MAGI2: variants seen among roughly 807,000 people sequenced by gnomAD.
MAGI2 encodes the protein membrane associated guanylate kinase, WW and PDZ domain containing 2.
Under a neutral mutation model 133.3 loss-of-function variants are expected in MAGI2, and 35 were observed. That is an observed-to-expected ratio of 0.26 (90% CI 0.20 to 0.35). The LOEUF (loss-of-function observed/expected upper bound fraction) is 0.35. MAGI2 is among the 10% of genes least tolerant of loss of function. The pLI, the probability that MAGI2 is intolerant of heterozygous loss-of-function variation, is 1.00. For synonymous variants in MAGI2, 729 were observed against 710.6 expected (o/e 1.03, Z -0.41); for missense variants, 1,636 against 1,863.4 (o/e 0.88, Z 2.25).
chr7:79,253,519 T>C (rs1227371573), intron 1 of MAGI2, among the ~76,000 whole-genome samples: 1 of 152,054 alleles, frequency 6.6e-6, no homozygotes. Context: ...AGCACACACC[T>C]GTGGTCCCAG....
At chr7:78,388,280 T>C (rs1346113288) in intron 6 of MAGI2, among the ~76,000 whole-genome samples, 1 of 139,576 alleles carries the variant, frequency 7.2e-6, no homozygotes, top group Non-Finnish European at 1.5e-5. Context: ...ACTGTTATCA[T>C]CATCATCATC....
chr7:79,188,403 T>C (rs181599871), intron 1 of MAGI2, among the ~76,000 whole-genome samples: 1 of 151,962 alleles, frequency 6.6e-6, no homozygotes, highest in Admixed American at 6.6e-5. Context: ...TGAGTTAGTT[T>C]GCTGAGGATA....
At chr7:79,431,261 T>C (rs981067300) in intron 1 of MAGI2, among the ~76,000 whole-genome samples, 2 of 152,208 alleles carry the variant, frequency 1.3e-5, no homozygotes, top group Non-Finnish European at 2.9e-5. Flanking sequence ...ATTTATAATC[T>C]ACCTGGATGC....
chr7:78,693,744 T>C (rs985160393), intron 2 of MAGI2, among the ~76,000 whole-genome samples: 1 of 152,172 alleles, frequency 6.6e-6, no homozygotes, highest in Non-Finnish European at 1.5e-5. Flanking sequence ...TCACCCATCC[T>C]TAAGGTGATT....
At chr7:78,603,167 T>G (rs22536) in intron 3 of MAGI2, among the ~76,000 whole-genome samples, 116,449 of 152,100 alleles carry the variant, frequency 0.77, 45,004 homozygotes, top group African/African-American at 0.82. Context: ...ACTGATAATG[T>G]AAAGTACTAA....
chr7:79,151,134 G>A (rs1312058045), intron 1 of MAGI2, among the ~76,000 whole-genome samples: 1 of 151,998 alleles, frequency 6.6e-6, no homozygotes, highest in Non-Finnish European at 1.5e-5. Context: ...AGACGAAGAT[G>A]GCTATGTACT....
At chr7:78,489,993 A>T (rs545798177) in intron 5 of MAGI2, 153 bp from the exon 6 acceptor site, 31 of 559,070 alleles carry the variant, frequency 5.5e-5, no homozygotes, top group Non-Finnish European at 9.2e-5. Context: ...GAGGTGTAAG[A>T]GTAATTGTGC....
chr7:78,378,628 T>C (rs1025729628), intron 6 of MAGI2, among the ~76,000 whole-genome samples: 4 of 152,028 alleles, frequency 2.6e-5, no homozygotes, highest in Admixed American at 6.6e-5. Flanking sequence ...TCCAGCCAAA[T>C]TGTACTTCAA....
chr7:78,181,537 A>T lies in MAGI2; in HGVS notation c.2312-3435T>A, dbSNP rs183931601. Among the ~76,000 whole-genome samples the T allele has an allele frequency of 4.2e-4, 64 of 152,340 alleles. 2 individuals carry two copies. In the East Asian group the frequency reaches 0.012, roughly 28 times the overall value. On this transcript the variant is annotated intron_variant, in intron 13 of 21. Transcript: ENST00000354212. ...GTAAAGAAATGGACTAAGAGGACAC[A>T]AAGCATTCTTTGGATATTAGTGTTC...
intron 21 of MAGI2, among the ~76,000 whole-genome samples, chr7:78,059,777 A>ATATATATATTT (rs368179491): frequency 1.4e-5 from 2 of 146,086 alleles, no homozygotes; most frequent in African/African-American, 5.1e-5. Context: ...ATATATATAT[A>ATATATATATTT]TTTTTTTTCT....
At chr7:79,099,523 T>C (rs1817787170) in intron 1 of MAGI2, among the ~76,000 whole-genome samples, 2 of 152,178 alleles carry the variant, frequency 1.3e-5, no homozygotes, top group African/African-American at 4.8e-5. Context: ...AGGTCTGTTA[T>C]ATAGGTAAAT....
At chr7:78,613,615 C>G (rs939077640) in intron 3 of MAGI2, among the ~76,000 whole-genome samples, 1 of 152,056 alleles carries the variant, frequency 6.6e-6, no homozygotes. Flanking sequence ...AGAAACAAAA[C>G]ACGTGAAAGC....
intron 2 of MAGI2, among the ~76,000 whole-genome samples, chr7:78,719,368 A>G (rs1820034087): frequency 6.6e-6 from 1 of 150,782 alleles, no homozygotes; most frequent in African/African-American, 2.5e-5. Flanking sequence ...AGGAAAAAAA[A>G]TAAAGAAAAA....
chr7:78,034,928 T>C (rs1248769327), intron 21 of MAGI2: 1 of 152,332 alleles, frequency 6.6e-6, no homozygotes, highest in Non-Finnish European at 1.5e-5. Context: ...CACTCATTCA[T>C]TCACCTGTTC....
At chr7:79,011,949 C>CTT (rs1211360472) in intron 1 of MAGI2, 9 of 122,744 alleles carry the variant, frequency 7.3e-5, no homozygotes, top group Admixed American at 4.3e-4. Flanking sequence ...TTCTTTCTTT[C>CTT]TCTGTTCTTT....
intron 1 of MAGI2, among the ~76,000 whole-genome samples, chr7:79,022,971 T>G (rs1297870415): frequency 1.3e-5 from 2 of 152,098 alleles, no homozygotes; most frequent in Non-Finnish European, 2.9e-5. Context: ...AAAAGATTCC[T>G]CCCTAACTCA....
At chr7:78,282,584 T>TGTAA (rs765462770) in intron 9 of MAGI2, among the ~76,000 whole-genome samples, 52 of 152,136 alleles carry the variant, frequency 3.4e-4, no homozygotes, top group African/African-American at 9.7e-4. Context: ...TGCCTTAGAC[T>TGTAA]GTAAGTTTCA....
intron 3 of MAGI2, among the ~76,000 whole-genome samples, chr7:78,557,461 C>T (rs1299233764): frequency 1.3e-5 from 2 of 152,100 alleles, no homozygotes; most frequent in Non-Finnish European, 2.9e-5. Flanking sequence ...AATTTTTTGG[C>T]TATTCCCTTC....
intron 9 of MAGI2, among the ~76,000 whole-genome samples, chr7:78,261,685 T>TA (rs1184297218): frequency 1.3e-5 from 2 of 152,026 alleles, no homozygotes; most frequent in Non-Finnish European, 2.9e-5. Flanking sequence ...AAAAGAAAAA[T>TA]AAAAAAACCT....
Sources: allele counts gnomAD v4.1 joint callset (sites outside exome capture counted in the v4.1 genomes callset), GRCh38; gene constraint gnomAD v4.1.1; transcripts MANE v1.5; gene names NCBI Gene and HGNC (gene_info 2026-07-23, HGNC 2026-07-21).